MACF1: variants seen among roughly 807,000 people sequenced by gnomAD.
The protein encoded by MACF1 is microtubule-actin cross-linking factor 1.
In MACF1, 193 loss-of-function variants were observed where a neutral mutation model predicts 854.8. The ratio of observed to expected loss-of-function variants is 0.23; its 90% CI spans 0.20 to 0.25. MACF1 has a LOEUF of 0.25. Among genes scored for constraint, MACF1 ranks in the 10% least tolerant of loss-of-function variants. The probability of loss-of-function intolerance (pLI) is 1.00; values close to 1 mark genes in which losing one functional copy is unlikely to be tolerated. For missense variants in MACF1, 7,722 were observed against 8,929.1 expected (o/e 0.86, Z 5.45); for synonymous variants, 3,185 against 3,226.7 (o/e 0.99, Z 0.44).
chr1:39,322,834 A>C, intron 32 of MACF1, 76 bp from the exon 33 acceptor site: 1 of 1,518,422 alleles, frequency 6.6e-7, no homozygotes, highest in Non-Finnish European at 9.1e-7. Flanking sequence ...CTGCATGAAC[A>C]TTTCCTCTTA....
At chr1:39,470,846 T>C (rs942507212) in intron 97 of MACF1, among the ~76,000 whole-genome samples, 1 of 152,192 alleles carries the variant, frequency 6.6e-6, no homozygotes, top group Non-Finnish European at 1.5e-5. Context: ...AAAAGAGATA[T>C]TGCATGTGGC....
chr1:39,223,909 C>T (rs1644683234), intron 1 of MACF1, among the ~76,000 whole-genome samples: 1 of 152,058 alleles, frequency 6.6e-6, no homozygotes, highest in African/African-American at 2.4e-5. Flanking sequence ...TTGCTGACAC[C>T]ATTGAGAAGG....
intron 1 of MACF1, among the ~76,000 whole-genome samples, chr1:39,221,483 C>CTA (rs904230015): frequency 6.6e-6 from 1 of 152,170 alleles, no homozygotes; most frequent in Admixed American, 6.5e-5. Flanking sequence ...GAAGATCCTC[C>CTA]TAACACCTCA....
At chr1:39,204,055 C>T (rs960649216), upstream of MACF1, among the ~76,000 whole-genome samples, 4 of 152,092 alleles carry the variant, frequency 2.6e-5, no homozygotes, top group Non-Finnish European at 4.4e-5. Context: ...GGGAGGATTG[C>T]TTGAGGTCAG....
At chr1:39,379,566 A>C in intron 54 of MACF1, 122 bp downstream of exon 54, 1 of 1,073,372 alleles carries the variant, frequency 9.3e-7, no homozygotes, top group South Asian at 1.7e-5. Context: ...TGTGATGGGC[A>C]GTATGTTTGA....
chr1:39,121,240 C>T (rs1428361782), intron 2 of MACF1, among the ~76,000 whole-genome samples: 2 of 152,158 alleles, frequency 1.3e-5, no homozygotes, highest in African/African-American at 2.4e-5. Flanking sequence ...CTCAAGCTAA[C>T]GCCATATCTC....
intron 2 of MACF1, among the ~76,000 whole-genome samples, chr1:39,182,699 AAG>A (rs1309422080): frequency 1.3e-5 from 2 of 152,220 alleles, no homozygotes; most frequent in Admixed American, 6.5e-5. Context: ...TTTAATAAAA[AAG>A]AGAGTGAGGA....
intron 16 of MACF1, 31 bp downstream of exon 16, chr1:39,292,069 A>G: frequency 6.2e-7 from 1 of 1,611,104 alleles, no homozygotes; most frequent in Non-Finnish European, 8.5e-7. Context: ...ACATTACAGG[A>G]GGGACGTGGT....
intron 1 of MACF1, among the ~76,000 whole-genome samples, chr1:39,224,325 G>A (rs183825014): frequency 6.6e-6 from 1 of 152,128 alleles, no homozygotes; most frequent in Non-Finnish European, 1.5e-5. Flanking sequence ...AAAGAAAAGA[G>A]GGCTAAGGAT....
At chr1:39,421,537 C>A (rs547087556) in intron 58 of MACF1, among the ~76,000 whole-genome samples, 1 of 152,248 alleles carries the variant, frequency 6.6e-6, no homozygotes, top group South Asian at 2.1e-4. Context: ...GAGGATTAAG[C>A]TATGAGGTTG....
chr1:39,233,891 C>G (rs988209603), intron 2 of MACF1, among the ~76,000 whole-genome samples: 1 of 138,176 alleles, frequency 7.2e-6, no homozygotes, highest in Non-Finnish European at 1.6e-5. Flanking sequence ...AGCAGATACA[C>G]AAGTGAACAA....
chr1:39,304,620 G>T, intron 23 of MACF1: 1 of 570,512 alleles, frequency 1.8e-6, no homozygotes, highest in South Asian at 1.8e-5. Flanking sequence ...CTGGAGTGCA[G>T]TGGCACTATT....
At chr1:39,240,548 G>T (rs1644909796) in intron 2 of MACF1, among the ~76,000 whole-genome samples, 1 of 152,196 alleles carries the variant, frequency 6.6e-6, no homozygotes, top group Non-Finnish European at 1.5e-5. Context: ...GCCCAGGCTG[G>T]CATGCAATGG....
At chr1:39,186,428 G>A (rs950380205) in intron 2 of MACF1, among the ~76,000 whole-genome samples, 2 of 151,334 alleles carry the variant, frequency 1.3e-5, no homozygotes, top group Non-Finnish European at 2.9e-5. Flanking sequence ...CACCACGCCC[G>A]GCCTAGAAAT....
rs765449359 is a variant in MACF1, at chr1:39,336,044, T to G, written c.9456T>G (p.Thr3152=). ...QETNYQDSWV[T]SKTKETKHQI... ...CCAACTATCAAGATTCCTGGGTTAC[T>G]TCGAAAACTAAGGAAACCAAACATC... is the stretch of plus-strand genomic sequence containing the variant. Residue 3152 remains threonine (T), a synonymous_variant, in exon 37 of 101, where the codon ACT becomes ACG. Transcript: ENST00000564288. 94 of 1,613,984 alleles carry G rather than the reference T, an allele frequency of 5.8e-5. No homozygotes were observed. Among genetic ancestry groups the G allele is most frequent in the Non-Finnish European group, 7.7e-5 (91 of 1,180,026 alleles).
intron 23 of MACF1, among the ~76,000 whole-genome samples, chr1:39,309,149 A>G (rs1286075273): frequency 6.6e-6 from 1 of 152,108 alleles, no homozygotes; most frequent in Non-Finnish European, 1.5e-5. Context: ...GCTTGTAATC[A>G]TCATATTATA....
intron 97 of MACF1, among the ~76,000 whole-genome samples, chr1:39,471,999 A>G (rs1409684060): frequency 6.6e-6 from 1 of 152,202 alleles, no homozygotes; most frequent in African/African-American, 2.4e-5. Flanking sequence ...GAATTTTAAC[A>G]TGCCCGCATC....
Position 39,353,176 on chromosome 1 carries a change from A to C in MACF1, c.11369A>C (p.Tyr3790Ser). 6.2e-7 allele frequency: 1 copy of C among 1,612,510 alleles called. No individual in the cohort carries two copies. The highest frequency in any genetic ancestry group is 8.5e-7 in the Non-Finnish European group (1 of 1,178,564). Residue 3790 changes from tyrosine to serine, a missense_variant, in exon 44 of 101, where the codon TAC becomes TCC. Coordinates refer to ENST00000564288, the MANE Select transcript of MACF1 (RefSeq NM_001394062.1). The stretch of plus-strand genomic sequence containing the variant: ...GGAGCCTTGGACACCACTGATGGTT[A>C]CATGGGGGTGAATCAAGCCCCAGAG... Reference protein sequence around the residue: ...EKGALDTTDGYMGVNQAPEKL... With the variant: ...EKGALDTTDGSMGVNQAPEKL...
At chr1:39,114,125 A>C (rs1642484209) in intron 2 of MACF1, among the ~76,000 whole-genome samples, 1 of 147,864 alleles carries the variant, frequency 6.8e-6, no homozygotes, top group Admixed American at 6.8e-5. Context: ...CTGCCCCTAC[A>C]CACCCCCACC....
Sources: allele counts gnomAD v4.1 joint callset (sites outside exome capture counted in the v4.1 genomes callset), GRCh38; gene constraint gnomAD v4.1.1; transcripts MANE v1.5; gene names NCBI Gene and HGNC (gene_info 2026-07-23, HGNC 2026-07-21).